The following BACH2 variants were observed in gnomAD, a reference collection of about 807,000 sequenced individuals.
The protein encoded by BACH2 is transcription regulator protein BACH2.
In BACH2, 5 loss-of-function variants were observed where a neutral mutation model predicts 61.8. That is an observed-to-expected ratio of 0.08 (90% confidence interval 0.04 to 0.17). The LOEUF is 0.17. Among genes scored for constraint, BACH2 ranks in the 10% least tolerant of loss-of-function variants. BACH2 has a pLI of 1.00. For synonymous variants in BACH2, 446 were observed against 440.1 expected (o/e 1.01, Z -0.17); for missense variants, 824 against 1,091.1 (o/e 0.76, Z 3.45).
intron 2 of BACH2, among the ~76,000 whole-genome samples, chr6:90,262,448 C>T (rs1771191932): frequency 6.6e-6 from 1 of 152,214 alleles, no homozygotes; most frequent in South Asian, 2.1e-4. Context: ...AGTACCCATT[C>T]ATGGGTACCA....
At chr6:90,033,839 G>A (rs1465856515) in intron 5 of BACH2, among the ~76,000 whole-genome samples, 1 of 152,138 alleles carries the variant, frequency 6.6e-6, no homozygotes, top group Non-Finnish European at 1.5e-5. Flanking sequence ...AACTCAAGCT[G>A]ACTAAAAGAC....
At position 90,014,460 on chromosome 6, in the gene BACH2, ATATATATATTTTTTTT is replaced by A. The variant is rs1470364307; in HGVS notation, c.-12-5620_-12-5605del. Among the ~76,000 whole-genome samples the A allele has an allele frequency of 4.7e-3, 340 of 72,118 alleles. 1 individual carries two copies. Among genetic ancestry groups the A allele is most frequent in the African/African-American group, 0.026 (318 of 12,126 alleles). The allele number at this position is 72,118 out of a possible 152,430, so 47.3% of individuals were successfully genotyped here. ...TGTGTGTATATATATATATATATAT[ATATATATATTTTTTTT>A]TTTTTTTTTTTTTTTTTAGACAGAT... On this transcript the variant is annotated intron_variant, in intron 5 of 8. Transcript: ENST00000257749.
Position 90,092,315 on chromosome 6 carries a change from T to TATAC in BACH2, c.-161-3207_-161-3206insGTAT, listed in dbSNP as rs142761642. 6.2e-3 allele frequency among the ~76,000 whole-genome samples: 694 copies of TATAC among 112,056 alleles called. 10 individuals carry two copies. Among genetic ancestry groups the TATAC allele is most frequent in the African/African-American group, 0.022 (601 of 27,548 alleles). The allele number at this position is 112,056 out of a possible 152,430, so 73.5% of individuals were successfully genotyped here. On this transcript the variant is annotated intron_variant, in intron 4 of 8. Coordinates refer to ENST00000257749, the MANE Select transcript of BACH2 (RefSeq NM_021813.4). ...AAATATATATATATATATATATATA[T>TATAC]ACACACACACACATTGCATCACTTG...
At chr6:90,198,294 T>C (rs995187808) in intron 4 of BACH2, among the ~76,000 whole-genome samples, 7 of 152,216 alleles carry the variant, frequency 4.6e-5, no homozygotes, top group African/African-American at 1.7e-4. Context: ...TAAAGCCATG[T>C]TGAAATGCCC....
At chr6:90,110,561 A>T (rs988749701) in intron 4 of BACH2, among the ~76,000 whole-genome samples, 11 of 152,244 alleles carry the variant, frequency 7.2e-5, no homozygotes, top group Non-Finnish European at 1.5e-4. Flanking sequence ...TTGGGAAGTT[A>T]TCAAGCTCTA....
chr6:90,105,218 G>A (rs1782849565), intron 4 of BACH2, among the ~76,000 whole-genome samples: 1 of 152,212 alleles, frequency 6.6e-6, no homozygotes, highest in Non-Finnish European at 1.5e-5. Flanking sequence ...GGAGGTGGCT[G>A]CAAGGCATTT....
chr6:90,036,005 A>G (rs1779243845), intron 5 of BACH2, among the ~76,000 whole-genome samples: 1 of 151,838 alleles, frequency 6.6e-6, no homozygotes, highest in African/African-American at 2.4e-5. Context: ...ATTTCTACGA[A>G]GGGGTTATGT....
intron 7 of BACH2, among the ~76,000 whole-genome samples, chr6:89,947,658 C>T (rs901453125): frequency 3.3e-5 from 5 of 151,964 alleles, no homozygotes; most frequent in Non-Finnish European, 4.4e-5. Flanking sequence ...CTCCGCCTCC[C>T]GGGCTCACGC....
intron 2 of BACH2, among the ~76,000 whole-genome samples, chr6:90,269,374 T>C (rs745936387): frequency 2.0e-5 from 3 of 152,180 alleles, no homozygotes; most frequent in Non-Finnish European, 2.9e-5. Context: ...CCAAAAAACA[T>C]ACTTACAGTC....
intron 6 of BACH2, among the ~76,000 whole-genome samples, chr6:89,973,277 G>T (rs1048352334): frequency 3.0e-3 from 1 of 330 alleles, no homozygotes; most frequent in South Asian, 0.083. Context: ...AAAAATAAAG[G>T]TGATTGGAAA....
intron 8 of BACH2, 22 bp from the exon 9 acceptor site, chr6:89,932,912 A>C: frequency 6.5e-7 from 1 of 1,545,120 alleles, no homozygotes; most frequent in African/African-American, 1.4e-5. Flanking sequence ...AGAAAAAAAG[A>C]GAAGGGTTGA....
At chr6:90,158,361 CCCTT>C (rs1406867359) in intron 4 of BACH2, among the ~76,000 whole-genome samples, 2 of 152,138 alleles carry the variant, frequency 1.3e-5, no homozygotes, top group Non-Finnish European at 2.9e-5. Context: ...ATGGCCATTC[CCCTT>C]CCTTGCAAAA....
At chr6:90,095,472 A>G (rs1582349825) in intron 4 of BACH2, among the ~76,000 whole-genome samples, 1 of 152,276 alleles carries the variant, frequency 6.6e-6, no homozygotes, top group East Asian at 1.9e-4. Context: ...TTTCCACTTC[A>G]ACATTTCAGG....
At chr6:90,174,099 A>C (rs1256878487) in intron 4 of BACH2, among the ~76,000 whole-genome samples, 1 of 152,116 alleles carries the variant, frequency 6.6e-6, no homozygotes, top group Non-Finnish European at 1.5e-5. Flanking sequence ...AAAATATATA[A>C]ACCCAAAAAT....
chr6:90,212,202 T>C (rs1399206231), intron 3 of BACH2, among the ~76,000 whole-genome samples: 1 of 146,918 alleles, frequency 6.8e-6, no homozygotes, highest in Non-Finnish European at 1.5e-5. Flanking sequence ...ACTGAAAAAA[T>C]ATAAGGTCAT....
chr6:90,120,686 A>G (rs1444573077), intron 4 of BACH2, among the ~76,000 whole-genome samples: 3 of 152,198 alleles, frequency 2.0e-5, no homozygotes, highest in Non-Finnish European at 2.9e-5. Flanking sequence ...AACCTATCCA[A>G]TAGAAAGTCT....
intron 5 of BACH2, among the ~76,000 whole-genome samples, chr6:90,046,355 A>G (rs1483961963): frequency 6.6e-6 from 1 of 152,250 alleles, no homozygotes; most frequent in Non-Finnish European, 1.5e-5. Context: ...GTGGCTAACG[A>G]GACAAATGCC....
chr6:90,226,669 A>G (rs951858097), intron 3 of BACH2, among the ~76,000 whole-genome samples: 4 of 152,092 alleles, frequency 2.6e-5, no homozygotes, highest in African/African-American at 9.7e-5. Context: ...TATTACTGTC[A>G]ATCAAACACA....
intron 4 of BACH2, among the ~76,000 whole-genome samples, chr6:90,164,430 C>G (rs1445389996): frequency 5.9e-5 from 9 of 151,840 alleles, no homozygotes; most frequent in African/African-American, 1.9e-4. Flanking sequence ...AATAGCTTAC[C>G]AACCAAAAAA....
Sources: gnomAD v4.1 joint callset for allele counts (sites outside exome capture counted in the v4.1 genomes callset) on GRCh38, gnomAD v4.1.1 for gene constraint, MANE v1.5 for transcripts, NCBI Gene and HGNC (gene_info 2026-07-23, HGNC 2026-07-21) for gene names.